Variants in TOP3A observed in about 807,000 individuals in gnomAD.
TOP3A encodes DNA topoisomerase 3-alpha.
Under a neutral mutation model 111.3 loss-of-function variants are expected in TOP3A, and 64 were observed. That is an observed-to-expected ratio of 0.57 (90% CI 0.47 to 0.71). The LOEUF (loss-of-function observed/expected upper bound fraction) is 0.71, where lower values mean the gene tolerates loss of function less well. Among genes scored for constraint, TOP3A ranks in the 30% least tolerant of loss-of-function variants. The pLI is 0.00. For synonymous variants in TOP3A, 484 were observed against 485.1 expected (o/e 1.00, Z 0.03); for missense variants, 1,104 against 1,285.0 (o/e 0.86, Z 2.15).
chr17:18,298,924 C>T lies in TOP3A; in HGVS notation c.990+635G>A, dbSNP rs920374209. Among the ~76,000 whole-genome samples the T allele has an allele frequency of 2.6e-4, 40 of 151,368 alleles. No homozygotes were observed. In the South Asian group the frequency reaches 7.7e-3, roughly 29 times the overall value. The stretch of plus-strand genomic sequence containing the variant: ...CAGGGACACAAACACTGCGGAAGGC[C>T]GCAGGGTCCTCTGCCTAGGAAAACC... On this transcript the variant is annotated intron_variant, in intron 9 of 18. Coordinates refer to ENST00000321105, the MANE Select transcript of TOP3A (RefSeq NM_004618.5).
At chr17:18,313,637 G>GT (rs1419386893) in intron 1 of TOP3A, 1 of 150,658 alleles carries the variant, frequency 6.6e-6, no homozygotes, top group African/African-American at 2.4e-5. Flanking sequence ...AGGATAAGAA[G>GT]TTAGGCGTAG....
Position 18,299,554 on chromosome 17 carries a change from C to CATA in TOP3A, c.990+2_990+4dup. On this transcript the variant is annotated splice_donor_region_variant and intron_variant, in intron 9 of 18. Coordinates refer to ENST00000321105, the MANE Select transcript of TOP3A (RefSeq NM_004618.5). The stretch of plus-strand genomic sequence containing the variant: ...AGTGCCTGAAACAGCCTGTCTGGAA[C>CATA]ATACCACAGTGTCCAAGGCTTGAGG... The CATA allele has an allele frequency of 6.2e-7, 1 of 1,613,938 alleles. No homozygotes were observed. Among genetic ancestry groups the CATA allele is most frequent in the Non-Finnish European group, 8.5e-7 (1 of 1,179,822 alleles).
rs1389852756 is a variant in TOP3A at position 18,271,945 on chromosome 17, A to C, written c.*2857T>G. On this transcript the variant is annotated 3_prime_UTR_variant, in exon 19 of 19. Coordinates refer to ENST00000321105, the MANE Select transcript of TOP3A (RefSeq NM_004618.5). Reference sequence around the variant, plus strand: ...GCTGGGTGTGGAGGCAGATGCCTGTAATTCCAGCTACTTGGGAGGCTGAGG... The same window carrying C: ...GCTGGGTGTGGAGGCAGATGCCTGTCATTCCAGCTACTTGGGAGGCTGAGG... 6.9e-6 allele frequency: 2 copies of C among 289,472 alleles called. No individual in the cohort carries two copies. Among genetic ancestry groups the C allele is most frequent in the African/African-American group, 4.7e-5 (2 of 42,616 alleles). 17.9% of individuals were successfully genotyped at this position (289,472 alleles called of 1,614,324 possible).
At position 18,278,084 on chromosome 17, in the gene TOP3A, A is replaced by G; in HGVS notation, c.2418T>C (p.Gly806=). 6.2e-7 allele frequency: 1 copy of G among 1,614,192 alleles called. No individual in the cohort carries two copies. The highest frequency in any genetic ancestry group is 8.5e-7 in the Non-Finnish European group (1 of 1,180,038). Residue 806 remains glycine (G), a synonymous_variant, in exon 18 of 19, where the codon GGT becomes GGC. Coordinates refer to ENST00000321105, the MANE Select transcript of TOP3A (RefSeq NM_004618.5). ...AGTTGCAGGTCACAGAATTGCTTTC[A>G]CCAGCAGCCGTGGGTGGTGGGAGGG... ...AQTLPPPTAA[G]ESNSVTCNCG...
At chr17:18,282,135 G>C (rs140215128) in intron 16 of TOP3A, among the ~76,000 whole-genome samples, 1 of 152,124 alleles carries the variant, frequency 6.6e-6, no homozygotes, top group Non-Finnish European at 1.5e-5. Flanking sequence ...TATTTAAAGC[G>C]AAAAGGGAGT....
intron 8 of TOP3A, among the ~76,000 whole-genome samples, chr17:18,300,765 G>C (rs1236545411): frequency 6.6e-6 from 1 of 152,008 alleles, no homozygotes; most frequent in East Asian, 1.9e-4. Context: ...TGAAACCCAG[G>C]CTGGTGGTCT....
intron 9 of TOP3A, among the ~76,000 whole-genome samples, chr17:18,298,954 A>G (rs1981043251): frequency 1.3e-5 from 2 of 149,154 alleles, no homozygotes; most frequent in African/African-American, 5.1e-5. Context: ...AAAACCAGAG[A>G]CCTTTGTTCA....
chr17:18,290,473 G>T, intron 13 of TOP3A, 84 bp downstream of exon 13: 1 of 1,372,998 alleles, frequency 7.3e-7, no homozygotes, highest in South Asian at 1.7e-5. Context: ...ATTAGAGAAT[G>T]GTTTGAAGAC....
chr17:18,302,174 C>T (rs1450704907), intron 7 of TOP3A, 90 bp downstream of exon 7: 1 of 1,474,846 alleles, frequency 6.8e-7, no homozygotes, highest in Non-Finnish European at 9.2e-7. Context: ...AAATAAATCA[C>T]ATCTTTATTA....
intron 9 of TOP3A, among the ~76,000 whole-genome samples, chr17:18,297,730 T>C (rs1425810355): frequency 6.6e-6 from 1 of 152,034 alleles, no homozygotes; most frequent in Non-Finnish European, 1.5e-5. Flanking sequence ...CCGTGCTCAA[T>C]GGTGCCCAGG....
In TOP3A at chr17:18,305,219, T is replaced by A. The variant is rs771174400; in HGVS notation, c.392A>T (p.Lys131Ile). 9 of 1,613,604 alleles carry A rather than the reference T, an allele frequency of 5.6e-6. No homozygotes were observed. The highest frequency in any genetic ancestry group is 6.8e-6 in the Non-Finnish European group (8 of 1,179,674). ...CTGGCGAGTCTCTCGTTCCAAAGTT[T>A]TCTTAAGTTCGCAGTGGAATAAGAG... ...YCPENFVDIK[K>I]TLERETRQCQ... The change falls in exon 5 of 19, where the codon AAA (lysine) becomes ATA (isoleucine). Residue 131 changes from lysine to isoleucine, a missense_variant and splice_region_variant. Transcript: ENST00000321105.
In TOP3A at chr17:18,314,585, A is replaced by C. The variant is rs1336584285; in HGVS notation, c.180+14T>G. ...CCCTTAAGGCACGCAGCTGATCGGAACGCGCTTTCTTACCCGCCTCATGCG... is the reference window on the plus strand; with the variant it reads ...CCCTTAAGGCACGCAGCTGATCGGACCGCGCTTTCTTACCCGCCTCATGCG... On this transcript the variant is annotated intron_variant, in intron 1 of 18. Coordinates refer to ENST00000321105, the MANE Select transcript of TOP3A (RefSeq NM_004618.5). The C allele has an allele frequency of 6.2e-7, 1 of 1,604,036 alleles. No homozygotes were observed. Among genetic ancestry groups the C allele is most frequent in the East Asian group, 2.3e-5 (1 of 44,274 alleles).
At chr17:18,293,755 C>G (rs1292716746) in intron 10 of TOP3A, among the ~76,000 whole-genome samples, 1 of 152,052 alleles carries the variant, frequency 6.6e-6, no homozygotes, top group Non-Finnish European at 1.5e-5. Context: ...TGCCACCACA[C>G]CTGGCTAATT....
rs768913136 is a variant in TOP3A, at chr17:18,302,701, C to G, written c.522G>C (p.Leu174Phe). 6.2e-7 allele frequency: 1 copy of G among 1,614,010 alleles called. No homozygotes were observed. Among genetic ancestry groups the G allele is most frequent in the South Asian group, 1.1e-5 (1 of 91,080 alleles). ...GTGTGATCTCAGAGAATCGGGCTCG[C>G]AACACCTGCAGATTGGGCTTTACTG... ...CKAVKPNLQV[L>F]RARFSEITPH... The change falls in exon 6 of 19, where the codon TTG (leucine) becomes TTC (phenylalanine). Residue 174 changes from leucine (L) to phenylalanine (F), a missense_variant. Physicochemically the swap from Leu to Phe is conservative, Grantham distance 22. Coordinates refer to ENST00000321105, the MANE Select transcript of TOP3A (RefSeq NM_004618.5).
At chr17:18,306,040 A>C (rs1981560309) in intron 4 of TOP3A, among the ~76,000 whole-genome samples, 1 of 151,526 alleles carries the variant, frequency 6.6e-6, no homozygotes, top group African/African-American at 2.4e-5. Flanking sequence ...CATCTCTGTT[A>C]AAAATGCACA....
rs1187514419 is a variant in TOP3A, at chr17:18,290,993, C to G, written c.1316G>C (p.Arg439Pro). Residue 439 changes from arginine (R) to proline (P), a missense_variant, in exon 12 of 19, where the codon CGC becomes CCC. By Grantham distance (103) the Arg-to-Pro change is moderately radical. Coordinates refer to ENST00000321105, the MANE Select transcript of TOP3A (RefSeq NM_004618.5). Reference sequence around the variant, plus strand: ...CTGGGAGCAGCAAGCCAGGAAATGGCGAACAATAAACTCGTACAGTCGCTG... The same window carrying G: ...CTGGGAGCAGCAAGCCAGGAAATGGGGAACAATAAACTCGTACAGTCGCTG... ...DEQRLYEFIVRHFLACCSQDA... is the reference protein window; with the variant it reads ...DEQRLYEFIVPHFLACCSQDA... 2.5e-6 allele frequency: 4 copies of G among 1,614,042 alleles called. 1 individual carries two copies. In the Admixed American group the frequency reaches 6.7e-5, roughly 27 times the overall value.
chr17:18,314,713 G>A lies in TOP3A; in HGVS notation c.66C>T (p.Ser22=). 1 of 1,605,302 alleles carries A rather than the reference G, an allele frequency of 6.2e-7. No individual in the cohort carries two copies. The highest frequency in any genetic ancestry group is 8.5e-7 in the Non-Finnish European group (1 of 1,176,248). ...GGAGGGCCATCTCCATGGCGGCGCGGGAAAAGGCACGGTCTTCGGGCCGTC... is the reference window on the plus strand; with the variant it reads ...GGAGGGCCATCTCCATGGCGGCGCGAGAAAAGGCACGGTCTTCGGGCCGTC... ...WLRRPEDRAF[S]RAAMEMALRG... The change falls in exon 1 of 19, where the codon TCC becomes TCT. Residue 22 remains serine, a synonymous_variant. Coordinates refer to ENST00000321105, the MANE Select transcript of TOP3A (RefSeq NM_004618.5).
chr17:18,279,288 A>G (rs1425091314), intron 17 of TOP3A, among the ~76,000 whole-genome samples: 1 of 152,024 alleles, frequency 6.6e-6, no homozygotes, highest in Non-Finnish European at 1.5e-5. Flanking sequence ...ACAGAGTATC[A>G]TTCTGTCGCC....
At chr17:18,311,734 T>C (rs1371641049) in intron 1 of TOP3A, among the ~76,000 whole-genome samples, 3 of 152,258 alleles carry the variant, frequency 2.0e-5, no homozygotes, top group Non-Finnish European at 2.9e-5. Context: ...AAATAAATGA[T>C]CGCACATCCC....
Sources: gnomAD v4.1 joint callset for allele counts (sites outside exome capture counted in the v4.1 genomes callset) on GRCh38, gnomAD v4.1.1 for gene constraint, MANE v1.5 for transcripts, NCBI Gene and HGNC (gene_info 2026-07-23, HGNC 2026-07-21) for gene names.